EXOC7: variants seen among roughly 807,000 people sequenced by gnomAD.
EXOC7 encodes exocyst complex component Exo70.
Under a neutral mutation model 87.6 loss-of-function variants are expected in EXOC7, and 51 were observed. The observed-to-expected ratio is 0.58, with a 90% CI of 0.46 to 0.73. EXOC7 has a LOEUF of 0.73. Among genes scored for constraint, EXOC7 ranks in the 30% least tolerant of loss-of-function variants. The pLI is 0.00. For synonymous variants in EXOC7, 327 were observed against 357.1 expected (o/e 0.92, Z 0.95); for missense variants, 744 against 888.4 (o/e 0.84, Z 2.07).
At chr17:76,086,861 G>T (rs1173576543) in intron 12 of EXOC7, 3 of 1,551,204 alleles carry the variant, frequency 1.9e-6, no homozygotes, top group African/African-American at 1.4e-5. Context: ...TACCTCGGGG[G>T]TCTAAAGGAA....
chr17:76,087,650 G>C lies in EXOC7; in HGVS notation c.1429+4C>G. ...CAGGGGGCCCAACTGGGAGGTACCA[G>C]TACCTTGGGAGGCCAGCATGGCGCC... On this transcript the variant is annotated splice_donor_region_variant and intron_variant, in intron 12 of 18. Transcript: ENST00000589210. 1 of 1,551,068 alleles carries C rather than the reference G, an allele frequency of 6.4e-7. No homozygotes were observed. Among genetic ancestry groups the C allele is most frequent in the African/African-American group, 1.4e-5 (1 of 73,164 alleles).
rs1046962503 is a variant in EXOC7, at chr17:76,082,595, G to GC, written c.*1052dup. 1.2e-6 allele frequency: 2 copies of GC among 1,613,474 alleles called. No individual in the cohort carries two copies. The highest frequency in any genetic ancestry group is 1.7e-6 in the Non-Finnish European group (2 of 1,179,922). On this transcript the variant is annotated 3_prime_UTR_variant, in exon 19 of 19. Transcript: ENST00000589210. ...GCAGGAATCTGGATGTGGGCAGCGT[G>GC]CAAGTCTGACGCAGCCCCTGGAGAG...
rs778698782 is a variant in EXOC7 at position 76,083,740 on chromosome 17, C to T, written c.1963G>A (p.Val655Met). The T allele has an allele frequency of 5.0e-6, 8 of 1,612,928 alleles. No homozygotes were observed. Among genetic ancestry groups the T allele is most frequent in the African/African-American group, 2.7e-5 (2 of 74,912 alleles). ...YGAFLQKFGS[V>M]PFTKNPEKYI... The stretch of plus-strand genomic sequence containing the variant: ...TTCTCCGGGTTCTTGGTGAAGGGCA[C>T]GCTGCCAAACCTGAGGAGGCACTGT... Residue 655 changes from valine (V) to methionine (M), a missense_variant, in exon 19 of 19, where the codon GTG (valine) becomes ATG (methionine). Physicochemically the swap from Val to Met is conservative, Grantham distance 21 (BLOSUM62 1). This residue lies in a region of EXOC7 where 228 missense variants were observed against 298.6 expected (regional missense o/e 0.76). Coordinates refer to ENST00000589210, the MANE Select transcript of EXOC7 (RefSeq NM_001013839.4).
Position 76,086,062 on chromosome 17 carries a change from G to T in EXOC7, c.1495+18C>A, listed in dbSNP as rs1387436191. The T allele has an allele frequency of 6.2e-7, 1 of 1,612,980 alleles. No homozygotes were observed. The highest frequency in any genetic ancestry group is 8.5e-7 in the Non-Finnish European group (1 of 1,179,858). ...ATGCAGGCAGCAGGGCTGCTGGTCT[G>T]CCCGGGAGAACACTCACAGATATAG... is the stretch of plus-strand genomic sequence containing the variant. On this transcript the variant is annotated intron_variant, in intron 13 of 18. Coordinates refer to ENST00000589210, the MANE Select transcript of EXOC7 (RefSeq NM_001013839.4).
At position 76,103,705 on chromosome 17, in the gene EXOC7, C is replaced by T. The variant is rs1212262300; in HGVS notation, c.-13G>A. ...GTGGGGGAATCATCGCTCTGAACCC[C>T]GCGGCTCCCACTCCCCAGTATCTTT... On this transcript the variant is annotated 5_prime_UTR_variant, in exon 1 of 19. Coordinates refer to ENST00000589210, the MANE Select transcript of EXOC7 (RefSeq NM_001013839.4). The T allele has an allele frequency of 6.2e-7, 1 of 1,601,514 alleles. No homozygotes were observed. Among genetic ancestry groups the T allele is most frequent in the Non-Finnish European group, 8.5e-7 (1 of 1,174,650 alleles).
At chr17:76,103,181 G>C in intron 2 of EXOC7, 180 bp downstream of exon 2, 1 of 615,094 alleles carries the variant, frequency 1.6e-6, no homozygotes. Context: ...GTGAGGGTAC[G>C]GAACATGGGG....
At chr17:76,083,791 C>A (rs1332252164) in intron 18 of EXOC7, 41 bp from the exon 19 acceptor site, 1 of 1,590,780 alleles carries the variant, frequency 6.3e-7, no homozygotes, top group Non-Finnish European at 8.6e-7. Context: ...AGGGCCGACC[C>A]CTCCCCAGCT....
At chr17:76,085,848 G>C (rs1420740596) in intron 13 of EXOC7, 51 bp from the exon 14 acceptor site, 1 of 1,593,422 alleles carries the variant, frequency 6.3e-7, no homozygotes, top group Non-Finnish European at 8.5e-7. Context: ...TGACCCAAAC[G>C]ACCCCACCCC....
In EXOC7 at chr17:76,082,443, C is replaced by T. The variant is rs1366402031; in HGVS notation, c.*1205G>A. 2 of 1,585,362 alleles carry T rather than the reference C, an allele frequency of 1.3e-6. No individual in the cohort carries two copies. The highest frequency in any genetic ancestry group is 1.2e-5 in the South Asian group (1 of 86,856). On this transcript the variant is annotated 3_prime_UTR_variant, in exon 19 of 19. Coordinates refer to ENST00000589210, the MANE Select transcript of EXOC7 (RefSeq NM_001013839.4). ...GGGGACCTTGAAGAACAGCTCCTTT[C>T]CCTGTATCTCTCCCCACAGAGCCCT...
intron 15 of EXOC7, 178 bp from the exon 16 acceptor site, chr17:76,084,758 T>G (rs2067135081): frequency 3.3e-6 from 2 of 608,078 alleles, no homozygotes; most frequent in African/African-American, 3.7e-5. Context: ...AACTGGTCAC[T>G]TTTTGAGATA....
At chr17:76,087,227 C>T in intron 12 of EXOC7, 1 of 386,440 alleles carries the variant, frequency 2.6e-6, no homozygotes, top group Non-Finnish European at 4.8e-6. Context: ...ACCCCCTGAG[C>T]TCCAGTCCCA....
intron 4 of EXOC7, among the ~76,000 whole-genome samples, chr17:76,100,452 T>C (rs2598430): frequency 0.49 from 73,355 of 149,424 alleles, 18,429 homozygotes; most frequent in South Asian, 0.68. Flanking sequence ...CATGGTGAAA[T>C]CCCGTTTCTA....
At chr17:76,085,007 G>A (rs2067146284) in intron 15 of EXOC7, 4 of 472,474 alleles carry the variant, frequency 8.5e-6, no homozygotes, top group South Asian at 2.6e-5. Context: ...AAGTGCTCTC[G>A]CGACCTTGCT....
At chr17:76,089,013 C>G in intron 8 of EXOC7, 90 bp from the exon 9 acceptor site, 1 of 1,474,012 alleles carries the variant, frequency 6.8e-7, no homozygotes, top group South Asian at 1.2e-5. Context: ...TGTAGGGGGG[C>G]CAGTGTGCAG....
chr17:76,082,140 C>A lies in EXOC7; in HGVS notation c.*1508G>T. 7.1e-7 allele frequency: 1 copy of A among 1,416,420 alleles called. No homozygotes were observed. Among genetic ancestry groups the A allele is most frequent in the South Asian group, 1.3e-5 (1 of 75,458 alleles). 87.7% of individuals were successfully genotyped at this position (1,416,420 alleles called of 1,614,324 possible). On this transcript the variant is annotated 3_prime_UTR_variant, in exon 19 of 19. Transcript: ENST00000589210. ...GGAGGTCCAGGTGTGGGTAGAGGCC[C>A]CTTGCATCCACCCTGCTGGCTCTCC...
intron 7 of EXOC7, 114 bp from the exon 8 acceptor site, chr17:76,089,434 G>GA: frequency 7.4e-7 from 1 of 1,351,126 alleles, no homozygotes; most frequent in Non-Finnish European, 1.0e-6. Context: ...AGAGGATGGG[G>GA]AAGAGGCTGA....
At position 76,086,121 on chromosome 17, in the gene EXOC7, T is replaced by C. The variant is rs748076046; in HGVS notation, c.1454A>G (p.Tyr485Cys). 11 of 1,613,890 alleles carry C rather than the reference T, an allele frequency of 6.8e-6. No individual in the cohort carries two copies. The highest frequency in any genetic ancestry group is 9.3e-6 in the Non-Finnish European group (11 of 1,180,024). The change falls in exon 13 of 19, where the codon TAC (tyrosine) becomes TGC (cysteine). Residue 485 changes from tyrosine to cysteine, a missense_variant. Physicochemically the swap from Tyr to Cys is radical, Grantham distance 194. Around this residue, in one of 3 missense-constraint regions of EXOC7, gnomAD observed 228 missense variants for 298.6 expected, o/e 0.76. Transcript: ENST00000589210. ...CAGCCGCTTGCTGAACTCAGAGCTG[T>C]AGCTGGTGGCCGAAGAGCTGGTCTC... ...SQETSSSATSYSSEFSKRLLS... is the reference protein window; with the variant it reads ...SQETSSSATSCSSEFSKRLLS...
chr17:76,092,079 T>A (rs1431959483), intron 6 of EXOC7, among the ~76,000 whole-genome samples: 1 of 152,078 alleles, frequency 6.6e-6, no homozygotes, highest in Non-Finnish European at 1.5e-5. Context: ...TCAACTCGCA[T>A]CTCAAGCAGA....
chr17:76,094,593 CAG>C lies in EXOC7; in HGVS notation c.641-14_641-13del. On this transcript the variant is annotated splice_polypyrimidine_tract_variant and intron_variant, in intron 5 of 18. Coordinates refer to ENST00000589210, the MANE Select transcript of EXOC7 (RefSeq NM_001013839.4). The stretch of plus-strand genomic sequence containing the variant: ...GACGTTCATGAAATCTGAGGAGACA[CAG>C]AGGGATAGAGGTACGGCTGCCAGGC... 1 of 1,609,678 alleles carries C rather than the reference CAG, an allele frequency of 6.2e-7. No homozygotes were observed. Among genetic ancestry groups the C allele is most frequent in the Non-Finnish European group, 8.5e-7 (1 of 1,177,690 alleles).
Sources: gnomAD v4.1 joint callset for allele counts (sites outside exome capture counted in the v4.1 genomes callset) on GRCh38, gnomAD v4.1.1 for gene constraint, gnomAD v4.1.1 regional missense constraint, MANE v1.5 for transcripts, NCBI Gene and HGNC (gene_info 2026-07-23, HGNC 2026-07-21) for gene names.